ZNF883: variants seen among roughly 807,000 people sequenced by gnomAD.
ZNF883 encodes the protein zinc finger protein 883.
chr9:112,995,275 C>T (rs1412295516), downstream of ZNF883, among the ~76,000 whole-genome samples: 4 of 152,174 alleles, frequency 2.6e-5, no homozygotes, highest in East Asian at 7.7e-4. Context: ...TGCCTGCAGA[C>T]TCAAACTGGA....
chr9:113,007,589 G>GT (rs1348836660), intron 2 of ZNF883, among the ~76,000 whole-genome samples: 1 of 152,218 alleles, frequency 6.6e-6, no homozygotes, highest in Non-Finnish European at 1.5e-5. Context: ...CCATCCAACT[G>GT]TAAGTTCCTT....
chr9:113,000,639 C>A (rs1474976542), upstream of ZNF883, among the ~76,000 whole-genome samples: 1 of 151,976 alleles, frequency 6.6e-6, no homozygotes, highest in East Asian at 1.9e-4. Context: ...CATAAAGATA[C>A]AATGTTTTCT....
downstream of ZNF883, among the ~76,000 whole-genome samples, chr9:112,993,522 T>G (rs1828321945): frequency 6.6e-6 from 1 of 152,176 alleles, no homozygotes; most frequent in Admixed American, 6.5e-5. Flanking sequence ...ATCTCCCCAG[T>G]CAGGAGGCAT....
downstream of ZNF883, among the ~76,000 whole-genome samples, chr9:112,996,797 A>G (rs1182659104): frequency 5.0e-3 from 316 of 63,474 alleles, 1 homozygote; most frequent in East Asian, 0.029. Context: ...TCTCAAAAAA[A>G]AAAAAAAAAA....
upstream of ZNF883, among the ~76,000 whole-genome samples, chr9:113,002,639 T>C (rs1198106477): frequency 5.3e-5 from 8 of 152,198 alleles, no homozygotes; most frequent in Admixed American, 5.2e-4. Flanking sequence ...AGATACCTTA[T>C]TTTTAAGTTA....
upstream of ZNF883, among the ~76,000 whole-genome samples, chr9:113,000,980 C>T (rs1828416185): frequency 6.6e-6 from 1 of 152,022 alleles, no homozygotes; most frequent in Admixed American, 6.6e-5. Flanking sequence ...AACAAAAAAG[C>T]ATTTGGAAAG....
At chr9:112,990,878 A>G (rs1040681729) in intron 1 of ZNF883, among the ~76,000 whole-genome samples, 14 of 152,070 alleles carry the variant, frequency 9.2e-5, no homozygotes, top group East Asian at 7.7e-4. Context: ...CATTTCTTCT[A>G]TATTTCTAGC....
intron 2 of ZNF883, among the ~76,000 whole-genome samples, chr9:113,008,011 G>A (rs770466841): frequency 6.6e-6 from 1 of 152,104 alleles, no homozygotes; most frequent in Non-Finnish European, 1.5e-5. Context: ...ACAGCATTTT[G>A]TACAAAGATT....
chr9:112,997,754 A>G (rs747115368), exon 1 of ZNF883: 9 of 1,613,736 alleles, frequency 5.6e-6, no homozygotes, highest in East Asian at 2.2e-5. Context: ...CTGATGTTCA[A>G]TTAGGTGTGT....
At chr9:113,008,365 A>G (rs1828498516) in intron 2 of ZNF883, among the ~76,000 whole-genome samples, 2 of 152,206 alleles carry the variant, frequency 1.3e-5, no homozygotes, top group African/African-American at 2.4e-5. Context: ...GAAACTGAAA[A>G]TGAGACAAGG....
intron 2 of ZNF883, among the ~76,000 whole-genome samples, chr9:113,005,587 T>C (rs1286451738): frequency 6.6e-6 from 1 of 152,178 alleles, no homozygotes; most frequent in Admixed American, 6.5e-5. Flanking sequence ...TATTTACTTA[T>C]TATAAAGTCA....
At chr9:112,997,113 A>C, downstream of ZNF883, 3 of 1,579,760 alleles carry the variant, frequency 1.9e-6, no homozygotes, top group South Asian at 2.3e-5. Flanking sequence ...AGGCTTTCCC[A>C]CACTCATTAC....
intron 2 of ZNF883, among the ~76,000 whole-genome samples, chr9:113,009,627 A>AG (rs1828512882): frequency 6.6e-6 from 1 of 151,898 alleles, no homozygotes; most frequent in Non-Finnish European, 1.5e-5. Context: ...CTCCTGCCTC[A>AG]GCCTCCCGAG....
downstream of ZNF883, among the ~76,000 whole-genome samples, chr9:112,995,041 G>A (rs540727673): frequency 6.6e-5 from 10 of 152,168 alleles, no homozygotes; most frequent in African/African-American, 2.2e-4. Flanking sequence ...TCAACTTGAC[G>A]GTCCAAATAT....
At chr9:112,992,207 G>A (rs1828309787), downstream of ZNF883, among the ~76,000 whole-genome samples, 1 of 152,200 alleles carries the variant, frequency 6.6e-6, no homozygotes, top group Admixed American at 6.5e-5. Context: ...CATGTTTTAG[G>A]AGTGGCTGGA....
At chr9:113,006,822 C>T (rs1200139593) in intron 2 of ZNF883, among the ~76,000 whole-genome samples, 1 of 151,964 alleles carries the variant, frequency 6.6e-6, no homozygotes, top group Non-Finnish European at 1.5e-5. Context: ...TATTGAATAC[C>T]TTCTAACTGC....
At chr9:113,010,475 T>C (rs1200581829) in intron 2 of ZNF883, among the ~76,000 whole-genome samples, 1 of 152,242 alleles carries the variant, frequency 6.6e-6, no homozygotes, top group Non-Finnish European at 1.5e-5. Flanking sequence ...CATGGTTGTA[T>C]ACACATTACA....
chr9:112,996,525 C>T (rs962691508), downstream of ZNF883, among the ~76,000 whole-genome samples: 4 of 151,958 alleles, frequency 2.6e-5, no homozygotes, highest in African/African-American at 9.7e-5. Context: ...GGCGCGGTGG[C>T]TCACGCCTGT....
chr9:112,997,774 G>A, exon 1 of ZNF883: 1 of 1,613,784 alleles, frequency 6.2e-7, no homozygotes, highest in Non-Finnish European at 8.5e-7. Flanking sequence ...TGCTGCGGCT[G>A]AAGGTTTTTC....
Sources: allele counts gnomAD v4.1 joint callset (sites outside exome capture counted in the v4.1 genomes callset), GRCh38; gene constraint gnomAD v4.1.1; transcripts MANE v1.5; gene names NCBI Gene and HGNC (gene_info 2026-07-23, HGNC 2026-07-21).